Variants in ACTN4 observed in about 807,000 individuals in gnomAD.
The protein encoded by ACTN4 is alpha-actinin-4.
ACTN4 carries 18 observed loss-of-function variants against 114.2 expected under a neutral mutation model. The ratio of observed to expected loss-of-function variants is 0.16; its 90% CI spans 0.11 to 0.23. ACTN4 has a LOEUF of 0.23. ACTN4 is among the 10% of genes least tolerant of loss of function. The probability of loss-of-function intolerance (pLI) is 1.00; values close to 1 mark genes in which losing one functional copy is unlikely to be tolerated. For missense variants in ACTN4, 722 were observed against 1,262.9 expected, an observed-to-expected ratio of 0.57 and a Z score of 6.49; for synonymous variants, 515 against 506.3, an observed-to-expected ratio of 1.02 and a Z score of -0.23.
chr19:38,701,239 G>A, intron 3 of ACTN4, 118 bp downstream of exon 3: 2 of 1,521,576 alleles, frequency 1.3e-6, no homozygotes, highest in Non-Finnish European at 1.8e-6. Context: ...GGGGCACTCA[G>A]AGCCCCAGTA....
At chr19:38,656,986 T>C (rs78277571) in intron 1 of ACTN4, among the ~76,000 whole-genome samples, 2,951 of 152,232 alleles carry the variant, frequency 0.019, 133 homozygotes, top group South Asian at 0.14. Flanking sequence ...TGTTCTGTTT[T>C]GATTTTTTAG....
chr19:38,725,302 T>C (rs111547626), intron 16 of ACTN4, among the ~76,000 whole-genome samples: 231 of 152,188 alleles, frequency 1.5e-3, no homozygotes, highest in African/African-American at 5.2e-3. Flanking sequence ...TGTGGACTTG[T>C]GGGTGCCGAG....
chr19:38,708,225 C>T, intron 6 of ACTN4, 30 bp downstream of exon 6: 5 of 1,610,898 alleles, frequency 3.1e-6, no homozygotes, highest in Non-Finnish European at 4.2e-6. Flanking sequence ...CTTGATGGCC[C>T]ACAGACGTGC....
chr19:38,700,693 C>G lies in ACTN4; in HGVS notation c.256C>G (p.Leu86Val), dbSNP rs550398621. 3 of 1,614,008 alleles carry G rather than the reference C, an allele frequency of 1.9e-6. No homozygotes were observed. The East Asian group carries it at 6.7e-5, about 36-fold the overall frequency. The change falls in exon 2 of 21, where the codon CTG (leucine) becomes GTG (valine). Residue 86 changes from leucine (L) to valine (V), a missense_variant. Physicochemically the swap from Leu to Val is conservative, Grantham distance 32 (BLOSUM62 1). Around this residue, in one of 3 missense-constraint regions of ACTN4, gnomAD observed 127 missense variants for 311.3 expected, o/e 0.41. Coordinates refer to ENST00000252699, the MANE Select transcript of ACTN4 (RefSeq NM_004924.6). ...EDFRDGLKLM[L>V]LLEVISGERL... ...CTTCCGAGACGGGCTCAAGCTCATG[C>G]TGCTCCTGGAGGTCATATCAGGTGA...
intron 11 of ACTN4, among the ~76,000 whole-genome samples, chr19:38,720,280 A>G (rs1273067170): frequency 6.6e-6 from 1 of 151,184 alleles, no homozygotes; most frequent in Non-Finnish European, 1.5e-5. Flanking sequence ...CCTTGTCCCC[A>G]CTCCAGTTGT....
chr19:38,704,022 T>C (rs1217419457), intron 3 of ACTN4, among the ~76,000 whole-genome samples: 4 of 152,158 alleles, frequency 2.6e-5, no homozygotes, highest in African/African-American at 4.8e-5. Flanking sequence ...GGCAAGCCCT[T>C]TCCCTGTGGG....
intron 9 of ACTN4, among the ~76,000 whole-genome samples, chr19:38,715,245 G>T (rs539434099): frequency 1.3e-5 from 2 of 152,132 alleles, no homozygotes; most frequent in Non-Finnish European, 2.9e-5. Context: ...ACCTGTAATC[G>T]CAGCATTTTG....
At chr19:38,652,468 G>C (rs1410455193) in intron 1 of ACTN4, among the ~76,000 whole-genome samples, 1 of 152,076 alleles carries the variant, frequency 6.6e-6, no homozygotes, top group Non-Finnish European at 1.5e-5. Flanking sequence ...CTGGTGCCCT[G>C]GAGTGGCACC....
intron 8 of ACTN4, chr19:38,710,848 C>T (rs12462270): frequency 0.41 from 104,945 of 255,910 alleles, 23,131 homozygotes; most frequent in Non-Finnish European, 0.47. Context: ...ATTCAGGGAC[C>T]AGCTAGAGAG....
chr19:38,673,055 G>A (rs535625030), intron 1 of ACTN4, among the ~76,000 whole-genome samples: 3 of 149,226 alleles, frequency 2.0e-5, no homozygotes, highest in Non-Finnish European at 3.0e-5. Flanking sequence ...CGATTCTTCT[G>A]CCTCAGCTTC....
chr19:38,726,715 G>A (rs957419039), intron 17 of ACTN4, among the ~76,000 whole-genome samples: 5 of 152,162 alleles, frequency 3.3e-5, no homozygotes, highest in Admixed American at 2.6e-4. Context: ...CAGGGATCCC[G>A]GCACAAGATT....
chr19:38,723,705 C>A lies in ACTN4; in HGVS notation c.1534C>A (p.Arg512Ser). ...CGCCCTCGGCTCTCTGACACATAGT[C>A]GCAGGGAAGCCCTGGAGGTGAGGAG... ...WDALGSLTHSRREALEKTEKQ... is the reference protein window; with the variant it reads ...WDALGSLTHSSREALEKTEKQ... The change falls in exon 13 of 21, where the codon CGC (arginine) becomes AGC (serine). Residue 512 changes from arginine (R) to serine (S), a missense_variant. Coordinates refer to ENST00000252699, the MANE Select transcript of ACTN4 (RefSeq NM_004924.6). The A allele has an allele frequency of 6.2e-7, 1 of 1,611,184 alleles. No homozygotes were observed. The highest frequency in any genetic ancestry group is 1.1e-5 in the South Asian group (1 of 90,646).
chr19:38,709,056 C>T (rs1214372927), intron 6 of ACTN4, among the ~76,000 whole-genome samples: 1 of 152,198 alleles, frequency 6.6e-6, no homozygotes, highest in Non-Finnish European at 1.5e-5. Context: ...GCCTGGCCCA[C>T]ATCTTCCAGT....
At chr19:38,728,777 G>C (rs909005084) in intron 19 of ACTN4, among the ~76,000 whole-genome samples, 36 of 152,312 alleles carry the variant, frequency 2.4e-4, no homozygotes, top group African/African-American at 8.7e-4. Flanking sequence ...CCTGCTTCCC[G>C]GCCTGGGGCA....
chr19:38,715,105 C>T (rs1599843334), intron 9 of ACTN4, among the ~76,000 whole-genome samples: 1 of 152,328 alleles, frequency 6.6e-6, no homozygotes, highest in South Asian at 2.1e-4. Context: ...ACCCAGGCAG[C>T]CCTGCTCTAG....
intron 1 of ACTN4, among the ~76,000 whole-genome samples, chr19:38,699,444 G>T (rs1968196810): frequency 6.6e-6 from 1 of 152,202 alleles, no homozygotes; most frequent in Non-Finnish European, 1.5e-5. Context: ...CCTCTAAGCT[G>T]CACTGAGTCT....
chr19:38,670,754 C>G (rs923376977), intron 1 of ACTN4, among the ~76,000 whole-genome samples: 3 of 151,992 alleles, frequency 2.0e-5, no homozygotes, highest in Non-Finnish European at 2.9e-5. Context: ...GAAACCCCAT[C>G]TCTACTAAAA....
At chr19:38,658,058 A>G (rs978675636) in intron 1 of ACTN4, among the ~76,000 whole-genome samples, 1 of 152,352 alleles carries the variant, frequency 6.6e-6, no homozygotes, top group East Asian at 1.9e-4. Context: ...GGCCCCGGGC[A>G]GAAAAAAAGA....
In ACTN4 at chr19:38,717,323, A is replaced by C. The variant is rs1425724074; in HGVS notation, c.1143+7A>C. On this transcript the variant is annotated splice_region_variant and intron_variant, in intron 10 of 20. Transcript: ENST00000252699. This position sits in a 1 kb window ranked among gnomAD's most constrained non-coding sequence, Gnocchi z 4.0. ...CGAGGGCAAGATGGTCTCGGTGAGC[A>C]CCAGGATTCACATGGGAGCAGCTGT... is the stretch of plus-strand genomic sequence containing the variant. The C allele has an allele frequency of 1.2e-6, 2 of 1,612,948 alleles. No homozygotes were observed.
Sources: allele counts gnomAD v4.1 joint callset (sites outside exome capture counted in the v4.1 genomes callset), GRCh38; gene constraint gnomAD v4.1.1; regional missense constraint gnomAD v4.1.1; non-coding constraint Gnocchi (gnomAD v3.1); transcripts MANE v1.5; gene names NCBI Gene and HGNC (gene_info 2026-07-23, HGNC 2026-07-21).